The following RASAL2 variants were observed in gnomAD, a reference collection of about 807,000 sequenced individuals.
The protein encoded by RASAL2 is RAS protein activator like 2, also known as ras GTPase-activating protein nGAP.
A neutral mutation model predicts 128.9 loss-of-function variants in RASAL2; 58 were observed. That is an observed-to-expected ratio of 0.45 (90% confidence interval 0.36 to 0.56). The LOEUF is 0.56. Among genes scored for constraint, RASAL2 ranks in the 20% least tolerant of loss-of-function variants. The pLI, the probability that RASAL2 is intolerant of heterozygous loss-of-function variation, is 0.00. For missense variants in RASAL2, 1,360 were observed against 1,601.6 expected, an observed-to-expected ratio of 0.85 and a Z score of 2.57; for synonymous variants, 561 against 580.8, an observed-to-expected ratio of 0.97 and a Z score of 0.49.
chr1:178,254,179 T>C (rs1342154221), intron 1 of RASAL2, among the ~76,000 whole-genome samples: 1 of 152,166 alleles, frequency 6.6e-6, no homozygotes, highest in Admixed American at 6.5e-5. Context: ...GTGAGATCTT[T>C]TGCTGCTCCT....
chr1:178,247,140 T>C (rs1664800733), intron 1 of RASAL2, among the ~76,000 whole-genome samples: 1 of 152,152 alleles, frequency 6.6e-6, no homozygotes, highest in African/African-American at 2.4e-5. Context: ...CAGAAAGAAT[T>C]GTACCAGCTC....
At chr1:178,445,415 G>T in intron 8 of RASAL2, 103 bp from the exon 9 acceptor site, 1 of 1,300,000 alleles carries the variant, frequency 7.7e-7, no homozygotes. Flanking sequence ...GATAGCTTTA[G>T]TTTTAAAGCA....
intron 3 of RASAL2, among the ~76,000 whole-genome samples, chr1:178,306,862 T>G (rs1322672720): frequency 1.1e-5 from 1 of 89,528 alleles, no homozygotes; most frequent in East Asian, 3.9e-4. Flanking sequence ...TGGGGACTGT[T>G]GTGGGGTGGG....
At position 178,411,835 on chromosome 1, in the gene RASAL2, C is replaced by G. The variant is rs16865281; in HGVS notation, c.565-8676C>G. 0.022 allele frequency: 16,991 copies of G among 761,440 alleles called. 1,668 individuals are homozygous for G. The African/African-American group carries it at 0.23, about 10-fold the overall frequency. 47.2% of individuals were successfully genotyped at this position (761,440 alleles called of 1,614,324 possible). A position where few individuals can be genotyped will look rare whatever the true frequency, so the allele number is the denominator to read the frequency against. ...GTGCAAGGAGCCAGGTATCACTGCCCTACACGTCAAACTCTGGGCCACAGG... is the reference window on the plus strand; with the variant it reads ...GTGCAAGGAGCCAGGTATCACTGCCGTACACGTCAAACTCTGGGCCACAGG... On this transcript the variant is annotated intron_variant, in intron 4 of 17. Transcript: ENST00000367649.
chr1:178,367,510 G>A (rs920809293), intron 3 of RASAL2, among the ~76,000 whole-genome samples: 5 of 152,034 alleles, frequency 3.3e-5, no homozygotes, highest in Admixed American at 2.0e-4. Flanking sequence ...AGCTCCCTGA[G>A]GACAGAGATT....
chr1:178,348,391 A>C (rs1670261009), intron 3 of RASAL2, among the ~76,000 whole-genome samples: 4 of 152,160 alleles, frequency 2.6e-5, no homozygotes, highest in Non-Finnish European at 5.9e-5. Context: ...CCCTTGGCTC[A>C]AGTGATTCTC....
At chr1:178,279,429 A>G (rs984980242) in intron 1 of RASAL2, among the ~76,000 whole-genome samples, 2 of 152,124 alleles carry the variant, frequency 1.3e-5, no homozygotes. Flanking sequence ...AAACCAGGCC[A>G]TTACATCAGT....
At chr1:178,152,708 A>T (rs1660955360) in intron 1 of RASAL2, among the ~76,000 whole-genome samples, 1 of 152,194 alleles carries the variant, frequency 6.6e-6, no homozygotes, top group African/African-American at 2.4e-5. Context: ...CTTTTTCGGT[A>T]GAAAATTTTA....
At chr1:178,241,541 A>C (rs1416749826) in intron 1 of RASAL2, among the ~76,000 whole-genome samples, 2 of 152,174 alleles carry the variant, frequency 1.3e-5, no homozygotes, top group Non-Finnish European at 2.9e-5. Context: ...TCAAACTTGA[A>C]TCCTCCACTG....
At chr1:178,248,320 G>A (rs139735429) in intron 1 of RASAL2, among the ~76,000 whole-genome samples, 5 of 152,144 alleles carry the variant, frequency 3.3e-5, no homozygotes, top group Admixed American at 6.5e-5. Context: ...TTACCATTAT[G>A]TAATGCCCTT....
intron 1 of RASAL2, among the ~76,000 whole-genome samples, chr1:178,106,130 A>C (rs1376211957): frequency 1.3e-5 from 2 of 152,184 alleles, no homozygotes; most frequent in African/African-American, 4.8e-5. Context: ...GACAAGGTGA[A>C]GATTATTCTT....
At chr1:178,255,128 T>C (rs537857383) in intron 1 of RASAL2, among the ~76,000 whole-genome samples, 2 of 152,196 alleles carry the variant, frequency 1.3e-5, no homozygotes, top group South Asian at 2.1e-4. Context: ...CAGAATGATA[T>C]AAAGATATTT....
At chr1:178,465,768 A>C in intron 15 of RASAL2, 152 bp from the exon 16 acceptor site, 2 of 641,802 alleles carry the variant, frequency 3.1e-6, no homozygotes, top group South Asian at 4.5e-5. Flanking sequence ...CAGCACAGCC[A>C]GCATCTAGCT....
At chr1:178,161,029 G>A (rs976735715) in intron 1 of RASAL2, among the ~76,000 whole-genome samples, 4 of 151,778 alleles carry the variant, frequency 2.6e-5, no homozygotes, top group Non-Finnish European at 5.9e-5. Flanking sequence ...GAGAGTTCCC[G>A]CAAGTGTCTG....
At chr1:178,139,369 G>A (rs1439855358) in intron 1 of RASAL2, among the ~76,000 whole-genome samples, 1 of 152,032 alleles carries the variant, frequency 6.6e-6, no homozygotes, top group Non-Finnish European at 1.5e-5. Flanking sequence ...TAATAGATTA[G>A]TGTTATAATT....
At chr1:178,217,775 G>A (rs1340746120) in intron 1 of RASAL2, among the ~76,000 whole-genome samples, 2 of 152,180 alleles carry the variant, frequency 1.3e-5, no homozygotes, top group African/African-American at 4.8e-5. Context: ...CAGGGTGCTG[G>A]TTGCTGAACA....
In RASAL2 at chr1:178,458,126, T is replaced by C; in HGVS notation, c.2834T>C (p.Leu945Ser). Residue 945 changes from leucine to serine, a missense_variant, in exon 14 of 18, where the codon TTG becomes TCG. Transcript: ENST00000367649. ...AMPKASIDSS[L>S]ENLSTASSRS... ...CCAAAGGCCTCTATAGATTCCAGTT[T>C]GGAGAACCTAAGCACTGCCAGTTCC... The C allele has an allele frequency of 6.2e-7, 1 of 1,614,198 alleles. No homozygotes were observed. Among genetic ancestry groups the C allele is most frequent in the South Asian group, 1.1e-5 (1 of 91,088 alleles).
intron 3 of RASAL2, among the ~76,000 whole-genome samples, chr1:178,374,927 A>C (rs1204359805): frequency 6.6e-6 from 1 of 152,168 alleles, no homozygotes; most frequent in East Asian, 1.9e-4. Context: ...GAGAAGTATA[A>C]GAAAAAGCTG....
At position 178,115,546 on chromosome 1, in the gene RASAL2, A is replaced by G. The variant is rs1167219356; in HGVS notation, c.202+20852A>G. ...CAGATGAAGGGGATAACACATGCAAAGGTTCTGGTGTTAGCCAGCATGGCA... is the reference window on the plus strand; with the variant it reads ...CAGATGAAGGGGATAACACATGCAAGGGTTCTGGTGTTAGCCAGCATGGCA... On this transcript the variant is annotated intron_variant, in intron 1 of 17. Transcript: ENST00000367649. Among the ~76,000 whole-genome samples, 6 of 152,230 alleles carry G rather than the reference A, an allele frequency of 3.9e-5. No individual in the cohort carries two copies. The South Asian group carries it at 1.2e-3, about 31-fold the overall frequency.
Sources: gnomAD v4.1 joint callset for allele counts (sites outside exome capture counted in the v4.1 genomes callset) on GRCh38, gnomAD v4.1.1 for gene constraint, MANE v1.5 for transcripts, NCBI Gene and HGNC (gene_info 2026-07-23, HGNC 2026-07-21) for gene names.